Variants in TUBGCP5 observed in about 807,000 individuals in gnomAD.
The protein encoded by TUBGCP5 is tubulin gamma complex component 5, also known as gamma-tubulin complex component 5.
Under a neutral mutation model 134.7 loss-of-function variants are expected in TUBGCP5, and 98 were observed. The ratio of observed to expected loss-of-function variants is 0.73; its 90% CI spans 0.62 to 0.86. The LOEUF (loss-of-function observed/expected upper bound fraction) is 0.86, where lower values mean the gene tolerates loss of function less well. Ranked by LOEUF, TUBGCP5 falls within the 40% of genes least tolerant of loss-of-function variation. The pLI, the probability that TUBGCP5 is intolerant of heterozygous loss-of-function variation, is 0.00. For missense variants in TUBGCP5, 1,150 were observed against 1,244.8 expected (o/e 0.92, Z 1.15); for synonymous variants, 456 against 431.4 (o/e 1.06, Z -0.71).
At chr15:23,003,261 G>A in intron 20 of TUBGCP5, 108 bp from the exon 21 acceptor site, 1 of 1,079,518 alleles carries the variant, frequency 9.3e-7, no homozygotes, top group Non-Finnish European at 1.4e-6. Context: ...TCACCACAGT[G>A]ACTGCCTTCT....
At chr15:23,025,761 G>A (rs926120831) in intron 8 of TUBGCP5, among the ~76,000 whole-genome samples, 2 of 151,468 alleles carry the variant, frequency 1.3e-5, no homozygotes, top group African/African-American at 2.4e-5. Context: ...AACCCAGGAG[G>A]TGAAGCTTGC....
chr15:23,014,568 C>A (rs1208186825), intron 13 of TUBGCP5, among the ~76,000 whole-genome samples: 1 of 151,448 alleles, frequency 6.6e-6, no homozygotes, highest in Non-Finnish European at 1.5e-5. Flanking sequence ...ACATGCTGGG[C>A]CTCAGAAGCA....
intron 11 of TUBGCP5, among the ~76,000 whole-genome samples, chr15:23,019,804 GA>G (rs926403886): frequency 9.9e-5 from 14 of 141,482 alleles, no homozygotes; most frequent in African/African-American, 2.3e-4. Flanking sequence ...AAAACAAAAA[GA>G]AAAAAAAAAG....
chr15:23,001,522 T>C (rs1167301996), intron 21 of TUBGCP5, among the ~76,000 whole-genome samples: 2 of 151,838 alleles, frequency 1.3e-5, no homozygotes, highest in African/African-American at 2.4e-5. Context: ...TTTGTATTTT[T>C]AGTAGAGATG....
intron 13 of TUBGCP5, among the ~76,000 whole-genome samples, chr15:23,012,115 CAAA>C (rs1210798007): frequency 1.1e-4 from 9 of 80,824 alleles, no homozygotes; most frequent in South Asian, 4.1e-4. Context: ...AAACCTGACT[CAAA>C]AAAAAAAAAA....
downstream of TUBGCP5, among the ~76,000 whole-genome samples, chr15:22,996,209 T>C (rs1389360771): frequency 6.6e-6 from 1 of 152,232 alleles, no homozygotes; most frequent in Non-Finnish European, 1.5e-5. Context: ...GCTTGTACCA[T>C]CTTGTAATTT....
intron 9 of TUBGCP5, chr15:23,024,502 C>A (rs1430710711): frequency 2.3e-6 from 1 of 428,622 alleles, no homozygotes; most frequent in African/African-American, 2.0e-5. Flanking sequence ...GCAGAAAATG[C>A]AAATTGAAAT....
chr15:23,039,365 G>A, intron 1 of TUBGCP5, 33 bp downstream of exon 1: 3 of 1,381,652 alleles, frequency 2.2e-6, no homozygotes, highest in Non-Finnish European at 2.8e-6. Context: ...CCGGGCTGTG[G>A]CCGGGAACCC....
chr15:23,022,641 T>C (rs2065769229), intron 10 of TUBGCP5, among the ~76,000 whole-genome samples: 2 of 152,168 alleles, frequency 1.3e-5, no homozygotes, highest in Non-Finnish European at 2.9e-5. Flanking sequence ...AAACTATACA[T>C]GAATATACCA....
rs142229260 is a variant in TUBGCP5 at position 23,017,822 on chromosome 15, C to T, written c.1707G>A (p.Leu569=). 106 of 1,613,878 alleles carry T rather than the reference C, an allele frequency of 6.6e-5. No individual in the cohort carries two copies. Among genetic ancestry groups the T allele is most frequent in the Non-Finnish European group, 8.0e-5 (94 of 1,179,896 alleles). Residue 569 remains leucine (L), a synonymous_variant, in exon 13 of 23, where the codon CTG becomes CTA. Coordinates refer to ENST00000615383, the MANE Select transcript of TUBGCP5 (RefSeq NM_052903.6). ...TGCTCTCCGCACACTGCAGGTTCTT[C>T]AGCAGCTGCATCGACTTGCCAGCCA... ...IIMAGKSMQL[L]KNLQCAESTT...
At chr15:22,986,173 TAAAC>T (rs937415715) in intron 23 of TUBGCP5, among the ~76,000 whole-genome samples, 7 of 147,240 alleles carry the variant, frequency 4.8e-5, no homozygotes, top group African/African-American at 1.0e-4. Flanking sequence ...AAAATAAAAA[TAAAC>T]AAAATAACAA....
intron 21 of TUBGCP5, 84 bp from the exon 22 acceptor site, chr15:23,000,753 A>T (rs2064325529): frequency 9.6e-7 from 1 of 1,040,972 alleles, no homozygotes; most frequent in African/African-American, 1.6e-5. Flanking sequence ...GTAATTTCAA[A>T]TGTATTTTGG....
In TUBGCP5 at chr15:23,019,312, C is replaced by T; in HGVS notation, c.1394G>A (p.Trp465Ter). ...EQTVSLLFSL[W>*]VETVRPYLQT... The stretch of plus-strand genomic sequence containing the variant: ...CAGGTAAGGCCGCACCGTTTCCACC[C>T]AGAGAGAGAAAAGGAGGGAGACCTG... The change falls in exon 12 of 23, where the codon TGG (tryptophan) becomes TAG (stop). Residue 465 changes from tryptophan to a stop codon, truncating the protein, a stop_gained. Coordinates refer to ENST00000615383, the MANE Select transcript of TUBGCP5 (RefSeq NM_052903.6). LOFTEE classifies it high-confidence loss of function. 6.2e-7 allele frequency: 1 copy of T among 1,613,830 alleles called. No individual in the cohort carries two copies. The highest frequency in any genetic ancestry group is 8.5e-7 in the Non-Finnish European group (1 of 1,179,888).
intron 21 of TUBGCP5, among the ~76,000 whole-genome samples, chr15:23,001,269 C>T (rs966400970): frequency 2.0e-5 from 3 of 151,434 alleles, no homozygotes; most frequent in Admixed American, 2.0e-4. Context: ...TCTCGAACTC[C>T]TGACCTCAGC....
At chr15:23,007,952 G>T (rs1256095664) in intron 16 of TUBGCP5, among the ~76,000 whole-genome samples, 1 of 152,252 alleles carries the variant, frequency 6.6e-6, no homozygotes, top group Admixed American at 6.5e-5. Flanking sequence ...AGAGGTCAGG[G>T]GCATTCTCTA....
intron 23 of TUBGCP5, among the ~76,000 whole-genome samples, chr15:22,985,373 C>A (rs2063648743): frequency 6.6e-6 from 1 of 151,994 alleles, no homozygotes; most frequent in African/African-American, 2.4e-5. Flanking sequence ...CATGCGCCAC[C>A]ACTCCTGGCT....
At chr15:23,033,004 A>G (rs1446438391) in intron 3 of TUBGCP5, among the ~76,000 whole-genome samples, 180 bp from the exon 4 acceptor site, 1 of 152,176 alleles carries the variant, frequency 6.6e-6, no homozygotes, top group Non-Finnish European at 1.5e-5. Flanking sequence ...ATGCATACAC[A>G]TAAGGAACCT....
intron 18 of TUBGCP5, 108 bp downstream of exon 18, chr15:23,005,943 CT>C (rs1346761848): frequency 0.048 from 36,489 of 757,818 alleles, 1 homozygote; most frequent in Middle Eastern, 0.062. Context: ...CAACCACCAA[CT>C]TTTTTTTTTT....
At chr15:22,987,522 C>T (rs2063715147) in intron 23 of TUBGCP5, among the ~76,000 whole-genome samples, 1 of 151,916 alleles carries the variant, frequency 6.6e-6, no homozygotes, top group African/African-American at 2.4e-5. Context: ...AAGATGATGG[C>T]ATTAGGAGGT....
Sources: allele counts gnomAD v4.1 joint callset (sites outside exome capture counted in the v4.1 genomes callset), GRCh38; gene constraint gnomAD v4.1.1; transcripts MANE v1.5; gene names NCBI Gene and HGNC (gene_info 2026-07-23, HGNC 2026-07-21).